The following MAB21L3 variants were observed in gnomAD, a reference collection of about 807,000 sequenced individuals.
MAB21L3 encodes the protein mab-21 like 3, also known as protein mab-21-like 3.
Under a neutral mutation model 37.7 loss-of-function variants are expected in MAB21L3, and 36 were observed. The ratio of observed to expected loss-of-function variants is 0.96; its 90% CI spans 0.73 to 1.26. MAB21L3 has a LOEUF of 1.26. Among genes scored for constraint, MAB21L3 ranks in the 50% most tolerant of loss-of-function variants. The pLI is 0.00. For missense variants in MAB21L3, 430 were observed against 447.3 expected, an observed-to-expected ratio of 0.96 and a Z score of 0.35; for synonymous variants, 186 against 176.8, an observed-to-expected ratio of 1.05 and a Z score of -0.41.
chr1:116,129,669 T>C (rs139665890), intron 7 of MAB21L3, among the ~76,000 whole-genome samples: 46 of 152,352 alleles, frequency 3.0e-4, no homozygotes, highest in Admixed American at 1.1e-3. Context: ...TTCTTATTCA[T>C]TGGGAGAAGG....
intron 7 of MAB21L3, among the ~76,000 whole-genome samples, chr1:116,128,882 AC>A (rs1358748211): frequency 6.6e-6 from 1 of 152,156 alleles, no homozygotes; most frequent in Non-Finnish European, 1.5e-5. Context: ...GGTCCAAATC[AC>A]CAGGCAAGGA....
rs1660223310 is a variant in MAB21L3 at position 116,137,700 on chromosome 1, C to T, written c.*4335C>T. On this transcript the variant is annotated 3_prime_UTR_variant, in exon 8 of 8. Transcript: ENST00000369500. The stretch of plus-strand genomic sequence containing the variant: ...CGTATGTTTATTGCGGCATTATTCA[C>T]AATAGCAGACTTGGAACCAACCCAA... 6.6e-6 allele frequency among the ~76,000 whole-genome samples: 1 copy of T among 151,838 alleles called. No homozygotes were observed. Among genetic ancestry groups the T allele is most frequent in the Admixed American group, 6.6e-5 (1 of 15,250 alleles).
chr1:116,118,253 G>C (rs1952314), intron 3 of MAB21L3, among the ~76,000 whole-genome samples: 1 of 151,830 alleles, frequency 6.6e-6, no homozygotes, highest in Non-Finnish European at 1.5e-5. Context: ...GTGGTGGCAC[G>C]TGCCTGTAGT....
chr1:116,127,568 C>A lies in MAB21L3; in HGVS notation c.584C>A (p.Thr195Asn). ...CTGGTCCCCGCAGTGGAGATCCCCA[C>A]CACCTGGTCCAAGAAAGCCCGGTGG... ...LELVPAVEIP[T>N]TWSKKARWPR... The change falls in exon 6 of 8, where the codon ACC (threonine) becomes AAC (asparagine). Residue 195 changes from threonine (T) to asparagine (N), a missense_variant. Physicochemically the swap from Thr to Asn is moderately conservative, Grantham distance 65. Coordinates refer to ENST00000369500, the MANE Select transcript of MAB21L3 (RefSeq NM_152367.3). 1.2e-6 allele frequency: 2 copies of A among 1,614,196 alleles called. No individual in the cohort carries two copies. The highest frequency in any genetic ancestry group is 1.7e-5 in the Admixed American group (1 of 60,028).
At position 116,112,431 on chromosome 1, in the gene MAB21L3, G is replaced by T. The variant is rs1189304229; in HGVS notation, c.-185G>T. ...GATGACAGATGGATTTTCACAATTTGGAAATAAAAACATGAGTGAAGGGTT... is the reference window on the plus strand; with the variant it reads ...GATGACAGATGGATTTTCACAATTTTGAAATAAAAACATGAGTGAAGGGTT... On this transcript the variant is annotated 5_prime_UTR_variant, in exon 3 of 8. The change creates a premature stop within an existing upstream ORF in the 5' untranslated region. Transcript: ENST00000369500. The T allele has an allele frequency of 1.1e-5, 5 of 459,974 alleles. No homozygotes were observed. The highest frequency in any genetic ancestry group is 3.9e-5 in the African/African-American group (2 of 51,390). The allele number at this position is 459,974 out of a possible 1,614,324, so 28.5% of individuals were successfully genotyped here. A position where few individuals can be genotyped will look rare whatever the true frequency, so the allele number is the denominator to read the frequency against.
intron 5 of MAB21L3, among the ~76,000 whole-genome samples, chr1:116,125,346 C>T (rs975191357): frequency 2.0e-5 from 3 of 152,198 alleles, no homozygotes; most frequent in African/African-American, 7.2e-5. Context: ...TCTACAAATA[C>T]ACAAAGAATT....
intron 3 of MAB21L3, among the ~76,000 whole-genome samples, chr1:116,118,732 C>G (rs569811408): frequency 6.6e-6 from 1 of 152,346 alleles, no homozygotes; most frequent in Non-Finnish European, 1.5e-5. Flanking sequence ...CTTTGTGCGC[C>G]TCAGGCCTGG....
intron 3 of MAB21L3, among the ~76,000 whole-genome samples, chr1:116,113,029 G>C (rs1659474554): frequency 6.6e-6 from 1 of 152,064 alleles, no homozygotes; most frequent in Non-Finnish European, 1.5e-5. Context: ...TGGGGTAATG[G>C]AAAAAGAGCT....
At chr1:116,128,958 T>C (rs1250723309) in intron 7 of MAB21L3, among the ~76,000 whole-genome samples, 6 of 152,250 alleles carry the variant, frequency 3.9e-5, no homozygotes, top group South Asian at 4.1e-4. Flanking sequence ...CATTCATTCA[T>C]GCCTTCACTC....
rs1659939435 is a variant in MAB21L3 at position 116,127,445 on chromosome 1, CAT to C, written c.482-20_482-19del. On this transcript the variant is annotated intron_variant, in intron 5 of 7. Coordinates refer to ENST00000369500, the MANE Select transcript of MAB21L3 (RefSeq NM_152367.3). The stretch of plus-strand genomic sequence containing the variant: ...TGCAAACCTTTCTCTTCTCCTTATC[CAT>C]TTGGTCATTTCCCACCAGGTAAGGT... The C allele has an allele frequency of 1.9e-6, 3 of 1,607,602 alleles. No homozygotes were observed. The highest frequency in any genetic ancestry group is 1.7e-6 in the Non-Finnish European group (2 of 1,176,746).
At chr1:116,121,499 G>A (rs1659748306) in intron 4 of MAB21L3, among the ~76,000 whole-genome samples, 1 of 152,168 alleles carries the variant, frequency 6.6e-6, no homozygotes, top group Non-Finnish European at 1.5e-5. Flanking sequence ...AGAGGCTTTT[G>A]ATTCCAAAGC....
chr1:116,125,095 T>C (rs1399120149), intron 5 of MAB21L3, among the ~76,000 whole-genome samples: 2 of 150,962 alleles, frequency 1.3e-5, no homozygotes, highest in African/African-American at 2.4e-5. Context: ...TTCCATCTAA[T>C]GTATATTTCA....
At position 116,135,370 on chromosome 1, in the gene MAB21L3, A is replaced by C. The variant is rs984381032; in HGVS notation, c.*2005A>C. The C allele has an allele frequency of 6.6e-6, 1 of 152,168 alleles. No homozygotes were observed. Among genetic ancestry groups the C allele is most frequent in the Non-Finnish European group, 1.5e-5 (1 of 68,032 alleles). 9.4% of individuals were successfully genotyped at this position (152,168 alleles called of 1,614,324 possible). A position where few individuals can be genotyped will look rare whatever the true frequency, so the allele number is the denominator to read the frequency against. On this transcript the variant is annotated 3_prime_UTR_variant, in exon 8 of 8. Coordinates refer to ENST00000369500, the MANE Select transcript of MAB21L3 (RefSeq NM_152367.3). Reference sequence around the variant, plus strand: ...AACTCCTCTACGCAAATAAACTAGAAAATCTAGAAGAAATGGATAAATTCC... The same window carrying C: ...AACTCCTCTACGCAAATAAACTAGACAATCTAGAAGAAATGGATAAATTCC...
At chr1:116,117,027 G>A (rs193182663) in intron 3 of MAB21L3, among the ~76,000 whole-genome samples, 31 of 151,802 alleles carry the variant, frequency 2.0e-4, no homozygotes, top group African/African-American at 6.0e-4. Flanking sequence ...TACTCTTCAC[G>A]TGTGTTATGT....
intron 3 of MAB21L3, among the ~76,000 whole-genome samples, chr1:116,115,611 T>C (rs919918142): frequency 2.6e-5 from 4 of 152,216 alleles, no homozygotes; most frequent in African/African-American, 9.6e-5. Context: ...ATCAGGCCTG[T>C]GTGACATTCC....
chr1:116,136,867 A>C lies in MAB21L3; in HGVS notation c.*3502A>C, dbSNP rs577975154. ...TTTGACAAACCTGAGAAAAACAAGC[A>C]ATGGGGAAAGGATTCCCTATTTAAT... is the stretch of plus-strand genomic sequence containing the variant. On this transcript the variant is annotated 3_prime_UTR_variant, in exon 8 of 8. Coordinates refer to ENST00000369500, the MANE Select transcript of MAB21L3 (RefSeq NM_152367.3). Among the ~76,000 whole-genome samples the C allele has an allele frequency of 2.5e-3, 353 of 143,214 alleles. 6 individuals carry two copies. The East Asian group carries it at 0.038, about 15-fold the overall frequency. 94.0% of individuals were successfully genotyped at this position (143,214 alleles called of 152,430 possible).
At position 116,120,432 on chromosome 1, in the gene MAB21L3, A is replaced by G. The variant is rs59512929; in HGVS notation, c.49-500A>G. ...ACACACACACACACACACACACACAAACACACACACACACACATATATATA... is the reference window on the plus strand; with the variant it reads ...ACACACACACACACACACACACACAGACACACACACACACACATATATATA... On this transcript the variant is annotated intron_variant, in intron 3 of 7. Transcript: ENST00000369500. Among the ~76,000 whole-genome samples, 674 of 109,706 alleles carry G rather than the reference A, an allele frequency of 6.1e-3. 6 individuals carry two copies. Among genetic ancestry groups the G allele is most frequent in the African/African-American group, 0.044 (646 of 14,848 alleles). 72.0% of individuals were successfully genotyped at this position (109,706 alleles called of 152,430 possible).
chr1:116,117,158 C>CATATATAT (rs773287860), intron 3 of MAB21L3, among the ~76,000 whole-genome samples: 1,614 of 85,882 alleles, frequency 0.019, 72 homozygotes, highest in African/African-American at 0.083. Context: ...TCAAAATATA[C>CATATATAT]ATACATATAT....
intron 7 of MAB21L3, 65 bp from the exon 8 acceptor site, chr1:116,133,067 T>C (rs1660115753): frequency 7.4e-7 from 1 of 1,345,140 alleles, no homozygotes; most frequent in African/African-American, 1.4e-5. Context: ...AGCTCAATAA[T>C]TGTTTCCAAG....
Sources: allele counts gnomAD v4.1 joint callset (sites outside exome capture counted in the v4.1 genomes callset), GRCh38; gene constraint gnomAD v4.1.1; transcripts MANE v1.5; gene names NCBI Gene and HGNC (gene_info 2026-07-23, HGNC 2026-07-21).